The following PRKAG2 variants were observed in gnomAD, a reference collection of about 807,000 sequenced individuals.
PRKAG2 encodes protein kinase AMP-activated non-catalytic subunit gamma 2, also known as 5'-AMP-activated protein kinase subunit gamma-2.
In PRKAG2, 26 loss-of-function variants were observed where a neutral mutation model predicts 69.6. That is an observed-to-expected ratio of 0.37 (90% confidence interval 0.27 to 0.52). The LOEUF is 0.52. Ranked by LOEUF, PRKAG2 falls within the 20% of genes least tolerant of loss-of-function variation. The probability of loss-of-function intolerance (pLI) is 0.90; values close to 1 mark genes in which losing one functional copy is unlikely to be tolerated. For synonymous variants in PRKAG2, 293 were observed against 285.0 expected (o/e 1.03, Z -0.28); for missense variants, 557 against 740.0 (o/e 0.75, Z 2.87).
intron 3 of PRKAG2, among the ~76,000 whole-genome samples, chr7:151,700,809 A>G (rs866008632): frequency 6.6e-6 from 1 of 152,082 alleles, no homozygotes; most frequent in African/African-American, 2.4e-5. Flanking sequence ...TCCCCTCCAC[A>G]CGGGGGGAGC....
In PRKAG2 at chr7:151,835,047, T is replaced by C. The variant is rs1054297027; in HGVS notation, c.114+41460A>G. 1.3e-5 allele frequency among the ~76,000 whole-genome samples: 2 copies of C among 152,134 alleles called. No individual in the cohort carries two copies. Among genetic ancestry groups the C allele is most frequent in the African/African-American group, 4.8e-5 (2 of 41,430 alleles). On this transcript the variant is annotated intron_variant, in intron 1 of 15. Transcript: ENST00000287878. The surrounding 1 kb of genome is among the most constrained non-coding windows in gnomAD (Gnocchi z 4.1). ...CCCCCTCATACGCAGATGCCAGCCA[T>C]GTGGAAAAGGGCCAGCCTGCTCCAA...
chr7:151,788,549 AT>A lies in PRKAG2; in HGVS notation c.115-2009del, dbSNP rs1421905306. ...GGTTGATTGTGGTTGAATTGTTTAT[AT>A]ATTCTGGTTATTAACCCCTTATCAG... On this transcript the variant is annotated intron_variant, in intron 1 of 15. Coordinates refer to ENST00000287878, the MANE Select transcript of PRKAG2 (RefSeq NM_016203.4). This position sits in a 1 kb window ranked among gnomAD's most constrained non-coding sequence, Gnocchi z 4.6. Among the ~76,000 whole-genome samples, 1 of 152,074 alleles carries A rather than the reference AT, an allele frequency of 6.6e-6. No individual in the cohort carries two copies. The highest frequency in any genetic ancestry group is 1.9e-4 in the East Asian group (1 of 5,182).
chr7:151,637,324 T>A (rs144260180), intron 4 of PRKAG2, among the ~76,000 whole-genome samples: 1 of 152,338 alleles, frequency 6.6e-6, no homozygotes, highest in African/African-American at 2.4e-5. Flanking sequence ...CTTGCAATAA[T>A]TTAAAAAAAT....
intron 1 of PRKAG2, among the ~76,000 whole-genome samples, chr7:151,848,407 C>T (rs978910528): frequency 6.6e-6 from 1 of 150,952 alleles, no homozygotes; most frequent in African/African-American, 2.4e-5. Flanking sequence ...TCGTCTCGGA[C>T]TTTCCAGCCT....
chr7:151,798,343 C>T (rs1186352032), intron 1 of PRKAG2, among the ~76,000 whole-genome samples: 1 of 152,006 alleles, frequency 6.6e-6, no homozygotes, highest in African/African-American at 2.4e-5. Flanking sequence ...GAGATGGAGT[C>T]TCACTCTGTC....
At chr7:151,606,355 C>T (rs943872079) in intron 5 of PRKAG2, among the ~76,000 whole-genome samples, 2 of 152,048 alleles carry the variant, frequency 1.3e-5, no homozygotes, top group African/African-American at 4.8e-5. Flanking sequence ...ATAAACTTTA[C>T]GATTATAGGT....
rs139579816 is a variant in PRKAG2 at position 151,781,293 on chromosome 7, A to C, written c.325T>G (p.Ser109Ala). The C allele has an allele frequency of 5.0e-5, 81 of 1,614,068 alleles. No homozygotes were observed. In the African/African-American group the frequency reaches 9.9e-4, roughly 20 times the overall value. ...GAGCGTGGCGGGGACTCCTGGTAGG[A>C]GAACGGGAACACGGTTTTGGGAGAG... ...PGSPKTVFPF[S>A]YQESPPRSPR... Residue 109 changes from serine (S) to alanine (A), a missense_variant, in exon 3 of 16, where the codon TCC becomes GCC. Physicochemically the swap from Ser to Ala is moderately conservative, Grantham distance 99 (BLOSUM62 1). This residue lies in a region of PRKAG2 where 352 missense variants were observed against 356.7 expected (regional missense o/e 0.99). Transcript: ENST00000287878. The surrounding 1 kb of genome is among the most constrained non-coding windows in gnomAD (Gnocchi z 6.1).
chr7:151,631,806 G>A, intron 5 of PRKAG2: 1 of 491,784 alleles, frequency 2.0e-6, no homozygotes, highest in South Asian at 1.5e-5. Flanking sequence ...CAAAAGGGCC[G>A]CCCGTCCGTG....
intron 3 of PRKAG2, among the ~76,000 whole-genome samples, chr7:151,723,223 G>C (rs1323622938): frequency 6.6e-6 from 1 of 152,136 alleles, no homozygotes; most frequent in East Asian, 1.9e-4. Flanking sequence ...AGTCCCTTTG[G>C]GGAAGAACGG....
chr7:151,708,757 G>A (rs1839043497), intron 3 of PRKAG2, among the ~76,000 whole-genome samples: 1 of 152,248 alleles, frequency 6.6e-6, no homozygotes, highest in African/African-American at 2.4e-5. Flanking sequence ...CACTGGGTAA[G>A]TGCAGTGGCC....
At chr7:151,560,371 A>G (rs1452819650) in intron 15 of PRKAG2, 153 bp downstream of exon 15, 1 of 1,546,738 alleles carries the variant, frequency 6.5e-7, no homozygotes, top group Non-Finnish European at 8.7e-7. Context: ...AAACTTCCCA[A>G]CTGAAGAGAA....
intron 3 of PRKAG2, among the ~76,000 whole-genome samples, chr7:151,746,123 G>A (rs966981011): frequency 6.6e-6 from 1 of 152,184 alleles, no homozygotes; most frequent in Non-Finnish European, 1.5e-5. Context: ...GGAATGCACC[G>A]AAGCCTTGGA....
chr7:151,829,005 C>T (rs11760502), intron 1 of PRKAG2, among the ~76,000 whole-genome samples: 30,517 of 152,022 alleles, frequency 0.2, 3,453 homozygotes, highest in Middle Eastern at 0.28. Flanking sequence ...AATGGGATAC[C>T]GAAAGCATAG....
chr7:151,641,325 G>A (rs1826654242), intron 4 of PRKAG2, among the ~76,000 whole-genome samples: 1 of 138,760 alleles, frequency 7.2e-6, no homozygotes, highest in African/African-American at 2.7e-5. Context: ...TCGGCTCACT[G>A]CAATCTCCAC....
intron 3 of PRKAG2, among the ~76,000 whole-genome samples, chr7:151,726,371 G>GACACACACACACACACAC (rs60238080): frequency 1.0e-4 from 15 of 148,386 alleles, no homozygotes; most frequent in African/African-American, 3.7e-4. Flanking sequence ...AGGGAGGCAG[G>GACACACACACACACACAC]ACACACACAC....
At chr7:151,664,078 T>G (rs1178093215) in intron 4 of PRKAG2, among the ~76,000 whole-genome samples, 1 of 152,176 alleles carries the variant, frequency 6.6e-6, no homozygotes, top group African/African-American at 2.4e-5. Flanking sequence ...ACTTGACCCA[T>G]GAGACACCAT....
At chr7:151,565,925 A>G in intron 11 of PRKAG2, 40 bp from the exon 12 acceptor site, 1 of 1,581,308 alleles carries the variant, frequency 6.3e-7, no homozygotes, top group Non-Finnish European at 8.7e-7. Flanking sequence ...GACCCAGAAC[A>G]CACTCTTGTC....
chr7:151,620,772 A>G (rs114038632), intron 5 of PRKAG2, among the ~76,000 whole-genome samples: 3,501 of 150,842 alleles, frequency 0.023, 135 homozygotes, highest in African/African-American at 0.08. Flanking sequence ...TAGCCACCAC[A>G]TCCAGCTCCT....
At chr7:151,675,718 G>A (rs762788243) in intron 3 of PRKAG2, 81 bp from the exon 4 acceptor site, 2 of 1,369,320 alleles carry the variant, frequency 1.5e-6, no homozygotes, top group African/African-American at 3.1e-5. Flanking sequence ...CTGGTCTCCA[G>A]GAAGGGAGAT....
Sources: allele counts gnomAD v4.1 joint callset (sites outside exome capture counted in the v4.1 genomes callset), GRCh38; gene constraint gnomAD v4.1.1; regional missense constraint gnomAD v4.1.1; non-coding constraint Gnocchi (gnomAD v3.1); transcripts MANE v1.5; gene names NCBI Gene and HGNC (gene_info 2026-07-23, HGNC 2026-07-21).